STRBP: variants seen among roughly 807,000 people sequenced by gnomAD.
STRBP encodes the protein spermatid perinuclear RNA-binding protein.
STRBP carries 13 observed loss-of-function variants against 80.1 expected under a neutral mutation model. The observed-to-expected ratio is 0.16, with a 90% CI of 0.11 to 0.26. STRBP has a LOEUF of 0.26. STRBP is among the 10% of genes least tolerant of loss of function. The pLI is 1.00. For synonymous variants in STRBP, 284 were observed against 291.2 expected (o/e 0.98, Z 0.25); for missense variants, 485 against 815.2 (o/e 0.59, Z 4.93).
At chr9:123,182,217 TAAAAAAAAAAAAAAAA>T (rs10546358) in intron 3 of STRBP, among the ~76,000 whole-genome samples, 25 of 69,806 alleles carry the variant, frequency 3.6e-4, no homozygotes, top group South Asian at 1.4e-3. Flanking sequence ...TCCGTTTCTT[TAAAAAAAAAAAAAAAA>T]AAAAAAAAAA....
intron 1 of STRBP, among the ~76,000 whole-genome samples, chr9:123,252,361 T>A (rs1007797374): frequency 6.6e-6 from 1 of 152,212 alleles, no homozygotes; most frequent in Non-Finnish European, 1.5e-5. Context: ...ACATAAGATA[T>A]TCATTTTAAA....
chr9:123,179,294 A>T, intron 3 of STRBP, 67 bp from the exon 4 acceptor site: 1 of 1,377,984 alleles, frequency 7.3e-7, no homozygotes, highest in Non-Finnish European at 1.0e-6. Flanking sequence ...GATGATATAC[A>T]ACTATATCTT....
At chr9:123,188,061 GT>G (rs1564280586) in intron 2 of STRBP, among the ~76,000 whole-genome samples, 1 of 151,942 alleles carries the variant, frequency 6.6e-6, no homozygotes, top group Non-Finnish European at 1.5e-5. Flanking sequence ...TAACCACTAA[GT>G]TTTTTCAGTC....
intron 1 of STRBP, among the ~76,000 whole-genome samples, chr9:123,252,752 C>A (rs1219053235): frequency 6.6e-6 from 1 of 152,174 alleles, no homozygotes; most frequent in Non-Finnish European, 1.5e-5. Flanking sequence ...TTAAAAAAAT[C>A]TCTTTGTCCA....
At chr9:123,169,457 G>A (rs1320353895) in intron 6 of STRBP, among the ~76,000 whole-genome samples, 1 of 152,010 alleles carries the variant, frequency 6.6e-6, no homozygotes, top group Admixed American at 6.6e-5. Flanking sequence ...AGGCATGAGC[G>A]ACCATGCCCA....
chr9:123,236,768 C>A (rs938461152), intron 2 of STRBP, 62 bp downstream of exon 2: 10 of 152,226 alleles, frequency 6.6e-5, no homozygotes, highest in Middle Eastern at 3.4e-3. Flanking sequence ...CAATGTTTAA[C>A]CACCTATGTC....
At chr9:123,178,175 C>T (rs1306246339) in intron 4 of STRBP, among the ~76,000 whole-genome samples, 1 of 152,158 alleles carries the variant, frequency 6.6e-6, no homozygotes, top group East Asian at 1.9e-4. Flanking sequence ...CAATACTTTC[C>T]TATTATTATT....
chr9:123,120,728 G>A (rs141975526), downstream of STRBP, among the ~76,000 whole-genome samples: 35 of 152,166 alleles, frequency 2.3e-4, no homozygotes, highest in East Asian at 1.3e-3. Context: ...GGAAAGGACC[G>A]GAGTATTTGT....
At chr9:123,264,403 T>G (rs1247715242) in intron 1 of STRBP, among the ~76,000 whole-genome samples, 1 of 152,240 alleles carries the variant, frequency 6.6e-6, no homozygotes, top group Non-Finnish European at 1.5e-5. Flanking sequence ...CTCTTTCACA[T>G]AAGTTTCATC....
chr9:123,251,626 A>G (rs1461904568), intron 1 of STRBP, among the ~76,000 whole-genome samples: 2 of 152,152 alleles, frequency 1.3e-5, no homozygotes, highest in African/African-American at 4.8e-5. Flanking sequence ...CTGATCTCCA[A>G]AGTCCCCTCC....
intron 11 of STRBP, among the ~76,000 whole-genome samples, chr9:123,157,652 CA>C (rs2037345892): frequency 6.6e-6 from 1 of 152,090 alleles, no homozygotes; most frequent in Admixed American, 6.6e-5. Flanking sequence ...GAAGGGGAAG[CA>C]AACACATCCT....
chr9:123,257,877 A>G (rs1003878025), intron 1 of STRBP, among the ~76,000 whole-genome samples: 1 of 151,664 alleles, frequency 6.6e-6, no homozygotes, highest in African/African-American at 2.4e-5. Context: ...ATTTATGCAT[A>G]ATTTATGTAT....
chr9:123,126,036 C>T lies in STRBP; in HGVS notation c.1943-363G>A, dbSNP rs1488238481. On this transcript the variant is annotated intron_variant, in intron 18 of 18. Transcript: ENST00000348403. The surrounding 1 kb of genome is among the most constrained non-coding windows in gnomAD (Gnocchi z 4.4). ...GGCATATCACATATTCCAGGAGAAA[C>T]GGGTTGTCAAGGTTCAAAGCATAGC... is the stretch of plus-strand genomic sequence containing the variant. Among the ~76,000 whole-genome samples, 1 of 152,146 alleles carries T rather than the reference C, an allele frequency of 6.6e-6. No homozygotes were observed. The highest frequency in any genetic ancestry group is 1.5e-5 in the Non-Finnish European group (1 of 68,016).
intron 2 of STRBP, among the ~76,000 whole-genome samples, chr9:123,116,405 G>A (rs985252360): frequency 6.6e-6 from 1 of 152,176 alleles, no homozygotes; most frequent in African/African-American, 2.4e-5. Context: ...TTCAGTTACA[G>A]TATAAAATGA....
intron 11 of STRBP, among the ~76,000 whole-genome samples, chr9:123,155,329 C>T (rs903818130): frequency 2.0e-5 from 3 of 152,096 alleles, no homozygotes; most frequent in African/African-American, 7.2e-5. Flanking sequence ...CCCAGCAACA[C>T]AAACAGCCCT....
Position 123,122,696 on chromosome 9 carries a change from G to A in STRBP, c.*2901C>T, listed in dbSNP as rs1211501697. On this transcript the variant is annotated 3_prime_UTR_variant, in exon 19 of 19. Transcript: ENST00000348403. ...CTGCAAGCCACATCCCTGGCTAGGG[G>A]CCAGTCCCCGTGCAGAGGATATGGC... is the stretch of plus-strand genomic sequence containing the variant. 3 of 1,010,656 alleles carry A rather than the reference G, an allele frequency of 3.0e-6. No individual in the cohort carries two copies. Among genetic ancestry groups the A allele is most frequent in the Non-Finnish European group, 3.5e-6 (3 of 846,328 alleles). 62.6% of individuals were successfully genotyped at this position (1,010,656 alleles called of 1,614,324 possible).
chr9:123,227,301 C>G (rs2040265905), intron 2 of STRBP, among the ~76,000 whole-genome samples: 1 of 152,126 alleles, frequency 6.6e-6, no homozygotes, highest in African/African-American at 2.4e-5. Flanking sequence ...TTGAGGAGAT[C>G]TGAAAATGGT....
In STRBP at chr9:123,136,320, G is replaced by C; in HGVS notation, c.1632+61C>G. On this transcript the variant is annotated intron_variant, in intron 15 of 18. Transcript: ENST00000348403. The surrounding 1 kb of genome is among the most constrained non-coding windows in gnomAD (Gnocchi z 4.2). Reference sequence around the variant, plus strand: ...GACTCAGTCTAAAACTTTACATTAAGTTCAGGATATCCTATGTCTTTGAGA... The same window carrying C: ...GACTCAGTCTAAAACTTTACATTAACTTCAGGATATCCTATGTCTTTGAGA... The C allele has an allele frequency of 6.2e-7, 1 of 1,603,730 alleles. No individual in the cohort carries two copies.
intron 2 of STRBP, among the ~76,000 whole-genome samples, chr9:123,208,574 T>C (rs1051843394): frequency 1.3e-5 from 2 of 152,182 alleles, no homozygotes; most frequent in East Asian, 1.9e-4. Flanking sequence ...ACATTTGCCA[T>C]TGTAGTATAA....
Sources: allele counts gnomAD v4.1 joint callset (sites outside exome capture counted in the v4.1 genomes callset), GRCh38; gene constraint gnomAD v4.1.1; non-coding constraint Gnocchi (gnomAD v3.1); transcripts MANE v1.5; gene names NCBI Gene and HGNC (gene_info 2026-07-23, HGNC 2026-07-21).